The following GLRA3 variants were observed in gnomAD, a reference collection of about 807,000 sequenced individuals.
GLRA3 encodes the protein glycine receptor alpha 3.
Under a neutral mutation model 60.4 loss-of-function variants are expected in GLRA3, and 44 were observed. The ratio of observed to expected loss-of-function variants is 0.73; its 90% CI spans 0.57 to 0.94. The LOEUF (loss-of-function observed/expected upper bound fraction) is 0.94. Among genes scored for constraint, GLRA3 ranks in the 40% least tolerant of loss-of-function variants. The pLI is 0.00. For synonymous variants in GLRA3, 223 were observed against 192.9 expected (o/e 1.16, Z -1.29); for missense variants, 508 against 564.6 (o/e 0.90, Z 1.02).
At chr4:174,661,414 A>G (rs941157834) in intron 7 of GLRA3, among the ~76,000 whole-genome samples, 17 of 152,216 alleles carry the variant, frequency 1.1e-4, no homozygotes, top group Middle Eastern at 3.2e-3. Flanking sequence ...TGTGACTAAC[A>G]TCTCAATTCT....
rs746211010 is a variant in GLRA3 at position 174,644,062 on chromosome 4, A to G, written c.1119T>C (p.Asp373=). ...TGAATCGGCTTTCCCTTACCTCATC[A>G]TCCTGTCAAAGAAAAATGTGACAAG... ...LEKFYRFSDM[D]DEVRESRFSF... The change falls in exon 10 of 10, where the codon GAT becomes GAC. Residue 373 remains aspartate, a splice_region_variant and synonymous_variant. Coordinates refer to ENST00000274093, the MANE Select transcript of GLRA3 (RefSeq NM_006529.4). 5 of 1,594,406 alleles carry G rather than the reference A, an allele frequency of 3.1e-6. No individual in the cohort carries two copies. The highest frequency in any genetic ancestry group is 4.3e-6 in the Non-Finnish European group (5 of 1,166,968).
chr4:174,641,468 T>G lies in GLRA3; in HGVS notation c.*2318A>C, dbSNP rs1364568932. ...CACCTTGTCACTGTTGCCTTGTGAGTGAAAGCTGTTAAAGTATTTTCTTAG... is the reference window on the plus strand; with the variant it reads ...CACCTTGTCACTGTTGCCTTGTGAGGGAAAGCTGTTAAAGTATTTTCTTAG... On this transcript the variant is annotated 3_prime_UTR_variant, in exon 10 of 10. Coordinates refer to ENST00000274093, the MANE Select transcript of GLRA3 (RefSeq NM_006529.4). 1 of 151,982 alleles carries G rather than the reference T, an allele frequency of 6.6e-6. No individual in the cohort carries two copies. Among genetic ancestry groups the G allele is most frequent in the Non-Finnish European group, 1.5e-5 (1 of 67,946 alleles). The allele number at this position is 151,982 out of a possible 1,614,324, so 9.4% of individuals were successfully genotyped here.
intron 1 of GLRA3, among the ~76,000 whole-genome samples, chr4:174,816,454 C>T (rs926047040): frequency 3.3e-5 from 5 of 152,190 alleles, no homozygotes; most frequent in African/African-American, 9.6e-5. Context: ...ATAGGCATCA[C>T]GTTCACTATA....
At chr4:174,803,753 C>T (rs557457472) in intron 1 of GLRA3, among the ~76,000 whole-genome samples, 28 of 152,124 alleles carry the variant, frequency 1.8e-4, no homozygotes, top group South Asian at 1.0e-3. Flanking sequence ...TGTAAAAGAG[C>T]GCTGAATGGT....
rs1435162961 is a variant in GLRA3, at chr4:174,689,943, C to G, written c.575-7004G>C. Among the ~76,000 whole-genome samples, 3 of 151,852 alleles carry G rather than the reference C, an allele frequency of 2.0e-5. No homozygotes were observed. In the East Asian group the frequency reaches 5.8e-4, roughly 29 times the overall value. ...AGTTTCAGACAAAACAGATTTCAAA[C>G]CATTGATGTCCATCAGTGGATGACT... On this transcript the variant is annotated intron_variant, in intron 5 of 9. Coordinates refer to ENST00000274093, the MANE Select transcript of GLRA3 (RefSeq NM_006529.4).
chr4:174,778,676 G>A (rs1326338903), intron 2 of GLRA3, among the ~76,000 whole-genome samples: 8 of 151,676 alleles, frequency 5.3e-5, no homozygotes, highest in Non-Finnish European at 1.5e-5. Context: ...AGTGCAAGGG[G>A]TCAGGGAGTT....
chr4:174,660,752 T>G (rs138974417), intron 7 of GLRA3, among the ~76,000 whole-genome samples: 2 of 152,382 alleles, frequency 1.3e-5, no homozygotes, highest in African/African-American at 4.8e-5. Flanking sequence ...AGCATTCTAC[T>G]GTAAGAAAAA....
chr4:174,700,620 T>C (rs115665985), intron 5 of GLRA3, among the ~76,000 whole-genome samples: 1,570 of 152,270 alleles, frequency 0.01, 29 homozygotes, highest in African/African-American at 0.036. Flanking sequence ...GAAGCTTAGA[T>C]AGGATGAAAG....
chr4:174,760,526 A>ATT (rs35439411), intron 3 of GLRA3, among the ~76,000 whole-genome samples: 11,738 of 149,094 alleles, frequency 0.079, 791 homozygotes, highest in East Asian at 0.37. Flanking sequence ...ATACACAATG[A>ATT]TTTTTTTTTT....
At chr4:174,801,089 A>G (rs559093641) in intron 1 of GLRA3, among the ~76,000 whole-genome samples, 1 of 152,158 alleles carries the variant, frequency 6.6e-6, no homozygotes, top group African/African-American at 2.4e-5. Context: ...AGGTATACTG[A>G]ATATATTTTC....
chr4:174,796,679 G>C (rs907262493), intron 1 of GLRA3, among the ~76,000 whole-genome samples: 1 of 152,036 alleles, frequency 6.6e-6, no homozygotes, highest in South Asian at 2.1e-4. Context: ...TGGGACTACA[G>C]GCATATGCCA....
At chr4:174,779,324 C>G (rs1402004432) in intron 2 of GLRA3, among the ~76,000 whole-genome samples, 1 of 152,116 alleles carries the variant, frequency 6.6e-6, no homozygotes, top group Non-Finnish European at 1.5e-5. Flanking sequence ...ACATCACCAT[C>G]ATCAAAGACC....
At chr4:174,683,144 G>A (rs150086482) in intron 5 of GLRA3, among the ~76,000 whole-genome samples, 3 of 152,140 alleles carry the variant, frequency 2.0e-5, no homozygotes, top group Non-Finnish European at 4.4e-5. Context: ...CAAATAATAT[G>A]AGAAAACAAA....
chr4:174,808,961 A>AT (rs2111363141), intron 1 of GLRA3, among the ~76,000 whole-genome samples: 1 of 152,254 alleles, frequency 6.6e-6, no homozygotes, highest in Admixed American at 6.5e-5. Flanking sequence ...GAAAGAAAAT[A>AT]TTTTTTAATT....
chr4:174,702,379 T>C (rs1345579067), intron 5 of GLRA3, among the ~76,000 whole-genome samples: 1 of 152,228 alleles, frequency 6.6e-6, no homozygotes, highest in Non-Finnish European at 1.5e-5. Context: ...ACAGTATAAA[T>C]ATAACTTTTA....
intron 9 of GLRA3, among the ~76,000 whole-genome samples, chr4:174,648,374 G>GAATC (rs1732907410): frequency 6.6e-6 from 1 of 152,134 alleles, no homozygotes; most frequent in Non-Finnish European, 1.5e-5. Flanking sequence ...TGAAGCAGGA[G>GAATC]AATCACTTGA....
chr4:174,802,480 CT>C (rs1470314958), intron 1 of GLRA3, among the ~76,000 whole-genome samples: 1 of 152,110 alleles, frequency 6.6e-6, no homozygotes, highest in Admixed American at 6.6e-5. Context: ...AACTCCTCTT[CT>C]TTACCCCTCC....
intron 7 of GLRA3, among the ~76,000 whole-genome samples, chr4:174,662,015 T>G (rs1336555584): frequency 6.6e-6 from 1 of 152,208 alleles, no homozygotes; most frequent in Non-Finnish European, 1.5e-5. Flanking sequence ...GGGCAGTGAT[T>G]TGAGGTTGTA....
intron 9 of GLRA3, among the ~76,000 whole-genome samples, chr4:174,650,188 T>C (rs2110859221): frequency 6.6e-6 from 1 of 152,304 alleles, no homozygotes; most frequent in Middle Eastern, 3.4e-3. Flanking sequence ...TGCTATTTCT[T>C]CTGCTTTCTA....
Sources: gnomAD v4.1 joint callset for allele counts (sites outside exome capture counted in the v4.1 genomes callset) on GRCh38, gnomAD v4.1.1 for gene constraint, MANE v1.5 for transcripts, NCBI Gene and HGNC (gene_info 2026-07-23, HGNC 2026-07-21) for gene names.